Variants in DLG2 observed in about 807,000 individuals in gnomAD.
The protein encoded by DLG2 is discs large MAGUK scaffold protein 2.
Under a neutral mutation model 132.5 loss-of-function variants are expected in DLG2, and 45 were observed. The ratio of observed to expected loss-of-function variants is 0.34; its 90% confidence interval spans 0.27 to 0.44. DLG2 has a LOEUF of 0.44. Ranked by LOEUF, DLG2 falls within the 20% of genes least tolerant of loss-of-function variation. The pLI, the probability that DLG2 is intolerant of heterozygous loss-of-function variation, is 1.00. For missense variants in DLG2, 1,045 were observed against 1,196.9 expected, an observed-to-expected ratio of 0.87 and a Z score of 1.87; for synonymous variants, 424 against 419.6, an observed-to-expected ratio of 1.01 and a Z score of -0.13.
intron 18 of DLG2, among the ~76,000 whole-genome samples, chr11:83,729,717 CA>C (rs1409746723): frequency 1.3e-5 from 2 of 152,312 alleles, no homozygotes; most frequent in East Asian, 3.9e-4. Flanking sequence ...GCAGTAAATT[CA>C]GTGGAGATTC....
intron 6 of DLG2, among the ~76,000 whole-genome samples, chr11:84,909,156 C>G (rs2091837429): frequency 6.6e-6 from 1 of 152,132 alleles, no homozygotes; most frequent in Admixed American, 6.5e-5. Flanking sequence ...TAAATCTTTC[C>G]TAAATAGTAT....
chr11:85,550,434 C>T (rs181942753), intron 3 of DLG2, among the ~76,000 whole-genome samples: 1 of 152,356 alleles, frequency 6.6e-6, no homozygotes, highest in East Asian at 1.9e-4. Context: ...GGTTCCTGCA[C>T]CCACTCACCT....
At chr11:83,925,611 T>C (rs1321050424) in intron 15 of DLG2, among the ~76,000 whole-genome samples, 3 of 152,096 alleles carry the variant, frequency 2.0e-5, no homozygotes, top group Non-Finnish European at 2.9e-5. Context: ...TGAATATATA[T>C]ATCCTTCAGT....
chr11:84,880,943 ATAG>A (rs1431115859), intron 6 of DLG2, among the ~76,000 whole-genome samples: 6 of 152,152 alleles, frequency 3.9e-5, no homozygotes, highest in African/African-American at 1.4e-4. Context: ...CATGTTTCTA[ATAG>A]TAGGGTTACA....
chr11:85,124,303 T>A (rs2074797721), intron 5 of DLG2, among the ~76,000 whole-genome samples: 1 of 152,248 alleles, frequency 6.6e-6, no homozygotes, highest in African/African-American at 2.4e-5. Flanking sequence ...TTCTAACACA[T>A]ATACAGACAC....
intron 18 of DLG2, among the ~76,000 whole-genome samples, chr11:83,722,241 T>C (rs2153686298): frequency 6.6e-6 from 1 of 152,310 alleles, no homozygotes; most frequent in South Asian, 2.1e-4. Context: ...TCATTATGGT[T>C]TCATTCTTAT....
intron 7 of DLG2, among the ~76,000 whole-genome samples, chr11:84,412,203 G>A (rs1041525829): frequency 2.0e-5 from 3 of 151,140 alleles, no homozygotes; most frequent in African/African-American, 7.3e-5. Context: ...TACTATGCAT[G>A]TTATAGTTCA....
intron 21 of DLG2, among the ~76,000 whole-genome samples, chr11:83,515,630 A>G (rs1261782381): frequency 6.6e-6 from 1 of 152,154 alleles, no homozygotes; most frequent in Non-Finnish European, 1.5e-5. Flanking sequence ...TGTCAATTTT[A>G]GATCTTTCCT....
intron 8 of DLG2, among the ~76,000 whole-genome samples, chr11:84,224,934 A>C (rs1380099188): frequency 1.3e-5 from 2 of 152,186 alleles, no homozygotes; most frequent in Admixed American, 1.3e-4. Context: ...CTTTGAAGAC[A>C]ATTTCTTGCC....
At chr11:84,875,075 A>G (rs1394204819) in intron 6 of DLG2, among the ~76,000 whole-genome samples, 2 of 151,950 alleles carry the variant, frequency 1.3e-5, no homozygotes, top group African/African-American at 2.4e-5. Flanking sequence ...CTGATGCATG[A>G]AAGCTGATAA....
chr11:84,920,808 TTC>T (rs2092717083), intron 6 of DLG2, among the ~76,000 whole-genome samples: 2 of 152,164 alleles, frequency 1.3e-5, no homozygotes, highest in African/African-American at 4.8e-5. Context: ...CTCAATAAAA[TTC>T]TTTGTTATAT....
intron 3 of DLG2, among the ~76,000 whole-genome samples, chr11:85,516,623 T>C (rs762601899): frequency 6.6e-6 from 1 of 152,038 alleles, no homozygotes; most frequent in Non-Finnish European, 1.5e-5. Context: ...ATACAATTGA[T>C]AATCAGAAAC....
At chr11:85,466,384 C>T (rs1166850377) in intron 3 of DLG2, among the ~76,000 whole-genome samples, 4 of 151,998 alleles carry the variant, frequency 2.6e-5, no homozygotes, top group Non-Finnish European at 1.5e-5. Flanking sequence ...AAGTCCTTGC[C>T]CATGCCTATG....
intron 6 of DLG2, among the ~76,000 whole-genome samples, chr11:85,080,124 A>C (rs2154171273): frequency 6.6e-6 from 1 of 152,190 alleles, no homozygotes; most frequent in Non-Finnish European, 1.5e-5. Context: ...GGCCCTTACA[A>C]TCTCACATGC....
At chr11:85,412,706 T>C (rs2089423758) in intron 3 of DLG2, among the ~76,000 whole-genome samples, 1 of 146,348 alleles carries the variant, frequency 6.8e-6, no homozygotes, top group African/African-American at 2.5e-5. Context: ...CTCATTCCTT[T>C]TGATGGCTGA....
intron 6 of DLG2, among the ~76,000 whole-genome samples, chr11:84,679,524 G>A (rs935773392): frequency 6.6e-6 from 1 of 152,002 alleles, no homozygotes; most frequent in African/African-American, 2.4e-5. Flanking sequence ...GAAAGAATAT[G>A]GATTTTCATG....
At chr11:84,796,016 C>G (rs1056647028) in intron 6 of DLG2, among the ~76,000 whole-genome samples, 7 of 152,218 alleles carry the variant, frequency 4.6e-5, no homozygotes, top group African/African-American at 1.2e-4. Context: ...CTCAACCTGG[C>G]TCAAGTGCAG....
chr11:83,611,157 G>A (rs1239174756), intron 19 of DLG2, among the ~76,000 whole-genome samples: 2 of 152,090 alleles, frequency 1.3e-5, no homozygotes, highest in East Asian at 3.8e-4. Flanking sequence ...TCACAGTTTT[G>A]GCACTGGATC....
intron 18 of DLG2, among the ~76,000 whole-genome samples, chr11:83,767,908 T>G (rs1425742197): frequency 6.6e-6 from 1 of 152,200 alleles, no homozygotes; most frequent in East Asian, 1.9e-4. Context: ...GCTAAATAAC[T>G]ATCACAAGGT....
Sources: gnomAD v4.1 joint callset for allele counts (sites outside exome capture counted in the v4.1 genomes callset) on GRCh38, gnomAD v4.1.1 for gene constraint, MANE v1.5 for transcripts, NCBI Gene and HGNC (gene_info 2026-07-23, HGNC 2026-07-21) for gene names.